Variants in CADPS observed in about 807,000 individuals in gnomAD.
CADPS encodes the protein calcium-dependent secretion activator 1.
Under a neutral mutation model 167.3 loss-of-function variants are expected in CADPS, and 57 were observed. The observed-to-expected ratio is 0.34, with a 90% CI of 0.28 to 0.42. CADPS has a LOEUF of 0.42. Among genes scored for constraint, CADPS ranks in the 20% least tolerant of loss-of-function variants. The probability of loss-of-function intolerance (pLI) is 1.00; values close to 1 mark genes in which losing one functional copy is unlikely to be tolerated. For synonymous variants in CADPS, 676 were observed against 635.3 expected (o/e 1.06, Z -0.96); for missense variants, 1,414 against 1,738.1 (o/e 0.81, Z 3.32).
chr3:62,620,180 G>A (rs1357039704), intron 6 of CADPS, among the ~76,000 whole-genome samples: 2 of 152,056 alleles, frequency 1.3e-5, no homozygotes, highest in Non-Finnish European at 2.9e-5. Flanking sequence ...CAGCTTTTCT[G>A]TTGTTGGAAT....
intron 9 of CADPS, among the ~76,000 whole-genome samples, chr3:62,559,899 A>T (rs1055526190): frequency 1.1e-4 from 17 of 150,226 alleles, no homozygotes; most frequent in Non-Finnish European, 2.1e-4. Context: ...CTTAAGATTT[A>T]AAAAAAAAAT....
chr3:62,759,740 G>T (rs969998461), intron 2 of CADPS, among the ~76,000 whole-genome samples: 3 of 152,062 alleles, frequency 2.0e-5, no homozygotes, highest in Non-Finnish European at 4.4e-5. Flanking sequence ...GGTTATCTAG[G>T]ATGATGGGAT....
intron 1 of CADPS, among the ~76,000 whole-genome samples, chr3:62,784,071 T>C (rs1033567083): frequency 2.6e-5 from 4 of 152,178 alleles, no homozygotes; most frequent in Non-Finnish European, 1.5e-5. Context: ...GAAATGTACA[T>C]GATGACGCTT....
chr3:62,866,411 C>T (rs1301478936), intron 1 of CADPS, among the ~76,000 whole-genome samples: 2 of 151,984 alleles, frequency 1.3e-5, no homozygotes, highest in Non-Finnish European at 2.9e-5. Flanking sequence ...TTACTGAACA[C>T]CTACTACATG....
rs550528735 is a variant in CADPS at position 62,825,228 on chromosome 3, C to A, written c.441+49361G>T. On this transcript the variant is annotated intron_variant, in intron 1 of 29. Transcript: ENST00000383710. Reference sequence around the variant, plus strand: ...GGGAGGGGCACCTTTTCCTTATTAGCTTGGAGGGGAACTAGCTTCCCTTGG... The same window carrying A: ...GGGAGGGGCACCTTTTCCTTATTAGATTGGAGGGGAACTAGCTTCCCTTGG... Among the ~76,000 whole-genome samples the A allele has an allele frequency of 3.3e-5, 5 of 152,192 alleles. No individual in the cohort carries two copies. In the East Asian group the frequency reaches 9.7e-4, roughly 30 times the overall value.
chr3:62,872,974 T>A (rs985545079), intron 1 of CADPS, among the ~76,000 whole-genome samples: 1 of 152,222 alleles, frequency 6.6e-6, no homozygotes, highest in Non-Finnish European at 1.5e-5. Context: ...ATGTGAACTA[T>A]TAGGCCCCGT....
At chr3:62,748,168 CAAAAAAAAAA>C (rs139568165) in intron 3 of CADPS, among the ~76,000 whole-genome samples, 4 of 63,198 alleles carry the variant, frequency 6.3e-5, no homozygotes, top group African/African-American at 1.4e-4. Flanking sequence ...ACTAAAATTA[CAAAAAAAAAA>C]AAAAAAAAAA....
chr3:62,516,280 G>A (rs2068975451), intron 15 of CADPS, 98 bp from the exon 16 acceptor site: 1 of 1,451,858 alleles, frequency 6.9e-7, no homozygotes. Flanking sequence ...TCAGTTCTTT[G>A]TGACTTAATA....
At chr3:62,690,283 G>A (rs566060592) in intron 3 of CADPS, among the ~76,000 whole-genome samples, 3 of 152,074 alleles carry the variant, frequency 2.0e-5, no homozygotes, top group African/African-American at 4.8e-5. Context: ...GTGACTTATT[G>A]TCAAGTTTTT....
At position 62,601,454 on chromosome 3, in the gene CADPS, A is replaced by G. The variant is rs977665724; in HGVS notation, c.1326-8706T>C. Among the ~76,000 whole-genome samples, 1 of 152,200 alleles carries G rather than the reference A, an allele frequency of 6.6e-6. No individual in the cohort carries two copies. Among genetic ancestry groups the G allele is most frequent in the Non-Finnish European group, 1.5e-5 (1 of 68,040 alleles). On this transcript the variant is annotated intron_variant, in intron 6 of 29. Coordinates refer to ENST00000383710, the MANE Select transcript of CADPS (RefSeq NM_003716.4). This position sits in a 1 kb window ranked among gnomAD's most constrained non-coding sequence, Gnocchi z 4.3. Reference sequence around the variant, plus strand: ...ATTGCTGACTTGGCCTAATGGAAATACTTTTATTTTCATTAGCAGATTAGC... The same window carrying G: ...ATTGCTGACTTGGCCTAATGGAAATGCTTTTATTTTCATTAGCAGATTAGC...
intron 28 of CADPS, among the ~76,000 whole-genome samples, chr3:62,419,170 C>A (rs980893020): frequency 6.6e-6 from 1 of 152,174 alleles, no homozygotes; most frequent in South Asian, 2.1e-4. Context: ...CCGACCATTT[C>A]TTTCTTCAAG....
intron 3 of CADPS, among the ~76,000 whole-genome samples, chr3:62,694,054 G>T (rs2079773964): frequency 6.6e-6 from 1 of 152,026 alleles, no homozygotes; most frequent in South Asian, 2.1e-4. Flanking sequence ...CTCGCTCAAT[G>T]GGCCTAGGTA....
chr3:62,611,666 T>A (rs2061518364), intron 6 of CADPS, among the ~76,000 whole-genome samples: 2 of 152,184 alleles, frequency 1.3e-5, no homozygotes, highest in South Asian at 4.1e-4. Flanking sequence ...TTCACCTACA[T>A]CAATCTGTTA....
At chr3:62,609,658 T>C (rs753288904) in intron 6 of CADPS, among the ~76,000 whole-genome samples, 2 of 152,196 alleles carry the variant, frequency 1.3e-5, no homozygotes, top group Non-Finnish European at 2.9e-5. Flanking sequence ...TACCTCATGG[T>C]TGTTAGTAAA....
At chr3:62,779,869 A>G (rs1559583511) in intron 1 of CADPS, 3 of 197,486 alleles carry the variant, frequency 1.5e-5, no homozygotes, top group African/African-American at 7.1e-5. Flanking sequence ...TAGATGGTAC[A>G]GTGAAGCAGA....
At chr3:62,527,525 T>C (rs999987372) in intron 13 of CADPS, among the ~76,000 whole-genome samples, 2 of 152,114 alleles carry the variant, frequency 1.3e-5, no homozygotes, top group African/African-American at 4.8e-5. Context: ...GTTCCATACA[T>C]CCCAGTGTTT....
At position 62,544,547 on chromosome 3, in the gene CADPS, G is replaced by T. The variant is rs893351637; in HGVS notation, c.1966+5356C>A. On this transcript the variant is annotated intron_variant, in intron 11 of 29. Coordinates refer to ENST00000383710, the MANE Select transcript of CADPS (RefSeq NM_003716.4). The surrounding 1 kb of genome is among the most constrained non-coding windows in gnomAD (Gnocchi z 4.4). ...CAAAGGCATTATTTGCCATTTTGTT[G>T]TGATGTTAATTAATATTCTTGGAAT... is the stretch of plus-strand genomic sequence containing the variant. Among the ~76,000 whole-genome samples the T allele has an allele frequency of 6.6e-6, 1 of 152,052 alleles. No homozygotes were observed. The highest frequency in any genetic ancestry group is 1.5e-5 in the Non-Finnish European group (1 of 67,990).
intron 1 of CADPS, among the ~76,000 whole-genome samples, chr3:62,838,286 A>T (rs1012204752): frequency 6.6e-6 from 1 of 152,198 alleles, no homozygotes; most frequent in Non-Finnish European, 1.5e-5. Flanking sequence ...TGGGCTACAC[A>T]ATTGAAAGTG....
intron 1 of CADPS, among the ~76,000 whole-genome samples, chr3:62,774,958 C>T (rs28812770): frequency 0.073 from 11,161 of 152,120 alleles, 983 homozygotes; most frequent in African/African-American, 0.21. Flanking sequence ...GCTTTTTATA[C>T]TCAATTACAT....
Sources: gnomAD v4.1 joint callset for allele counts (sites outside exome capture counted in the v4.1 genomes callset) on GRCh38, gnomAD v4.1.1 for gene constraint, Gnocchi (gnomAD v3.1) non-coding constraint, MANE v1.5 for transcripts, NCBI Gene and HGNC (gene_info 2026-07-23, HGNC 2026-07-21) for gene names.